The following TRAP1 variants were observed in gnomAD, a reference collection of about 807,000 sequenced individuals.
TRAP1 encodes the protein TNF receptor associated protein 1, also known as heat shock protein 75 kDa, mitochondrial.
TRAP1 carries 102 observed loss-of-function variants against 89.1 expected under a neutral mutation model. The ratio of observed to expected loss-of-function variants is 1.15; its 90% CI spans 0.98 to 1.35. The LOEUF is 1.35. TRAP1 is among the 40% of genes most tolerant of loss of function. TRAP1 has a pLI of 0.00. For synonymous variants in TRAP1, 508 were observed against 388.0 expected (o/e 1.31, Z -3.64); for missense variants, 1,256 against 945.3 (o/e 1.33, Z -4.31).
chr16:3,699,768 A>G (rs1197147886), intron 1 of TRAP1, among the ~76,000 whole-genome samples: 5 of 151,942 alleles, frequency 3.3e-5, no homozygotes, highest in Non-Finnish European at 7.4e-5. Flanking sequence ...CCTGGGCTCA[A>G]GGGACCTTCC....
intron 1 of TRAP1, among the ~76,000 whole-genome samples, chr16:3,705,881 C>T (rs751071710): frequency 1.3e-5 from 2 of 151,548 alleles, no homozygotes; most frequent in South Asian, 2.1e-4. Context: ...TTAGTAGAGA[C>T]GGGGTTTCTC....
At chr16:3,705,560 A>G (rs987160591) in intron 1 of TRAP1, among the ~76,000 whole-genome samples, 1 of 152,138 alleles carries the variant, frequency 6.6e-6, no homozygotes, top group Non-Finnish European at 1.5e-5. Flanking sequence ...GACTTAGCAT[A>G]AAGTCTTTGG....
In TRAP1 at chr16:3,663,539, A is replaced by T. The variant is rs2050741697; in HGVS notation, c.1593T>A (p.Phe531Leu). The T allele has an allele frequency of 6.2e-7, 1 of 1,614,090 alleles. No homozygotes were observed. Among genetic ancestry groups the T allele is most frequent in the African/African-American group, 1.3e-5 (1 of 75,046 alleles). ...GAAGGTGCAGCAGGGTGAGCTCATC[A>T]AACTGCTCAAAGCAGAAGAGAACCT... is the stretch of plus-strand genomic sequence containing the variant. ...DTEVLFCFEQ[F>L]DELTLLHLRE... Residue 531 changes from phenylalanine (F) to leucine (L), a missense_variant, in exon 14 of 18, where the codon TTT (phenylalanine) becomes TTA (leucine). By Grantham distance (22) the Phe-to-Leu change is conservative (BLOSUM62 0). Transcript: ENST00000246957.
At chr16:3,689,291 C>G (rs981117724) in intron 2 of TRAP1, among the ~76,000 whole-genome samples, 154 bp from the exon 3 acceptor site, 2 of 145,958 alleles carry the variant, frequency 1.4e-5, no homozygotes, top group African/African-American at 5.2e-5. Context: ...GTCACCCAGG[C>G]TGGAGTACAG....
intron 2 of TRAP1, chr16:3,689,855 A>T (rs1489516510): frequency 1.3e-5 from 2 of 152,258 alleles, no homozygotes; most frequent in African/African-American, 2.4e-5. Context: ...AAACAAAACA[A>T]AAAGTCTCTC....
chr16:3,706,836 C>T (rs997231707), intron 1 of TRAP1, among the ~76,000 whole-genome samples: 4 of 152,058 alleles, frequency 2.6e-5, no homozygotes, highest in African/African-American at 9.7e-5. Context: ...TATGAACATT[C>T]ATGTGTAGGC....
At position 3,665,959 on chromosome 16, in the gene TRAP1, C is replaced by T. The variant is rs778097230; in HGVS notation, c.1383+12G>A. 5.0e-6 allele frequency: 8 copies of T among 1,606,268 alleles called. No individual in the cohort carries two copies. The African/African-American group carries it at 5.4e-5, about 11-fold the overall frequency. ...GTGGCCCAGAAAAAGGCCTGGAACA[C>T]AGCTCCTATACCTTGACCTCCTGCT... On this transcript the variant is annotated intron_variant, in intron 12 of 17. Coordinates refer to ENST00000246957, the MANE Select transcript of TRAP1 (RefSeq NM_016292.3).
chr16:3,677,293 TGA>T (rs1216975755), intron 6 of TRAP1, among the ~76,000 whole-genome samples: 12 of 152,112 alleles, frequency 7.9e-5, no homozygotes, highest in Non-Finnish European at 1.2e-4. Context: ...GCAGTGGTGG[TGA>T]CCAACCACAT....
At chr16:3,700,504 T>C (rs2051351181) in intron 1 of TRAP1, among the ~76,000 whole-genome samples, 1 of 152,102 alleles carries the variant, frequency 6.6e-6, no homozygotes, top group Admixed American at 6.6e-5. Context: ...TCTCACTCTG[T>C]TGCCCAGGCT....
At chr16:3,663,601 G>GC (rs774493428) in intron 13 of TRAP1, 39 bp from the exon 14 acceptor site, 1 of 1,610,294 alleles carries the variant, frequency 6.2e-7, no homozygotes. Flanking sequence ...GACCCCGGGG[G>GC]CCTCCAGCCA....
intron 11 of TRAP1, among the ~76,000 whole-genome samples, chr16:3,669,116 G>T (rs981058616): frequency 2.0e-5 from 3 of 152,204 alleles, no homozygotes; most frequent in Non-Finnish European, 4.4e-5. Context: ...GGATGGACAA[G>T]GTGGGGACAA....
At chr16:3,669,579 A>T (rs184625854) in intron 11 of TRAP1, among the ~76,000 whole-genome samples, 34 of 152,266 alleles carry the variant, frequency 2.2e-4, no homozygotes, top group African/African-American at 7.7e-4. Context: ...TCACACCTGT[A>T]ATCCCAGAAC....
chr16:3,674,225 C>T, intron 9 of TRAP1, 114 bp downstream of exon 9: 9 of 1,406,930 alleles, frequency 6.4e-6, no homozygotes, highest in Non-Finnish European at 8.7e-6. Context: ...CCAGCACTAC[C>T]TATGTTTTTC....
chr16:3,662,519 C>T (rs990591039), intron 15 of TRAP1: 19 of 527,186 alleles, frequency 3.6e-5, no homozygotes, highest in Non-Finnish European at 5.3e-5. Context: ...CTGAAGCCCA[C>T]CCAAAACCCC....
rs774869581 is a variant in TRAP1, at chr16:3,677,634, G to C, written c.568C>G (p.Gln190Glu). The C allele has an allele frequency of 1.2e-6, 2 of 1,614,036 alleles. No individual in the cohort carries two copies. The highest frequency in any genetic ancestry group is 2.2e-5 in the East Asian group (1 of 44,876). Residue 190 changes from glutamine to glutamate, a missense_variant, in exon 6 of 18, where the codon CAG becomes GAG. Transcript: ENST00000246957. Reference sequence around the variant, plus strand: ...ATGATCTTGCTGCTGGCCTCAGCCTGGTTCTGCAGAGCATCCAGGAAGGCC... The same window carrying C: ...ATGATCTTGCTGCTGGCCTCAGCCTCGTTCTGCAGAGCATCCAGGAAGGCC... ...SKAFLDALQN[Q>E]AEASSKIIGQ... is the part of the protein sequence containing the mutation.
At position 3,676,028 on chromosome 16, in the gene TRAP1, C is replaced by A. The variant is rs1461397277; in HGVS notation, c.814+8G>T. ...CCAGAGTGAGCCTGGGCCCGGGCTC[C>A]CGCTCACCTCGCACCCGGGCCTCGC... On this transcript the variant is annotated splice_region_variant and intron_variant, in intron 7 of 17. Transcript: ENST00000246957. 6.2e-7 allele frequency: 1 copy of A among 1,609,660 alleles called. No individual in the cohort carries two copies.
At chr16:3,706,643 T>C (rs1296115267) in intron 1 of TRAP1, among the ~76,000 whole-genome samples, 2 of 151,788 alleles carry the variant, frequency 1.3e-5, no homozygotes, top group Admixed American at 6.6e-5. Flanking sequence ...AAATTTTTTT[T>C]CGAGATGGAG....
intron 5 of TRAP1, 26 bp from the exon 6 acceptor site, chr16:3,677,684 G>A: frequency 6.2e-7 from 1 of 1,606,974 alleles, no homozygotes; most frequent in South Asian, 1.1e-5. Context: ...CAGTTAGTGA[G>A]GCAGCCTCCC....
chr16:3,702,383 G>C (rs1198766086), intron 1 of TRAP1, among the ~76,000 whole-genome samples: 2 of 151,804 alleles, frequency 1.3e-5, no homozygotes, highest in South Asian at 2.1e-4. Flanking sequence ...GGGCCACTGT[G>C]CTGCTTCACA....
Sources: allele counts gnomAD v4.1 joint callset (sites outside exome capture counted in the v4.1 genomes callset), GRCh38; gene constraint gnomAD v4.1.1; transcripts MANE v1.5; gene names NCBI Gene and HGNC (gene_info 2026-07-23, HGNC 2026-07-21).